SNTG1: variants seen among roughly 807,000 people sequenced by gnomAD.
SNTG1 encodes the protein gamma-1-syntrophin.
A neutral mutation model predicts 74.7 loss-of-function variants in SNTG1; 39 were observed. That is an observed-to-expected ratio of 0.52 (90% CI 0.40 to 0.68). The LOEUF (loss-of-function observed/expected upper bound fraction) is 0.68. Among genes scored for constraint, SNTG1 ranks in the 30% least tolerant of loss-of-function variants. The pLI is 0.00. For synonymous variants in SNTG1, 254 were observed against 217.1 expected (o/e 1.17, Z -1.49); for missense variants, 685 against 609.5 (o/e 1.12, Z -1.30).
At chr8:49,966,070 T>C (rs550614579) in intron 1 of SNTG1, among the ~76,000 whole-genome samples, 2 of 152,278 alleles carry the variant, frequency 1.3e-5, no homozygotes, top group East Asian at 3.9e-4. Context: ...CTCTAGAATA[T>C]ATCTGGTTTC....
In SNTG1 at chr8:50,779,177, G is replaced by A. The variant is rs1029002538; in HGVS notation, c.1396-13494G>A. Among the ~76,000 whole-genome samples, 9 of 152,110 alleles carry A rather than the reference G, an allele frequency of 5.9e-5. 1 individual carries two copies. The South Asian group carries it at 6.2e-4, about 11-fold the overall frequency. ...GTTCTTTTGGCTTAGGATGGACTTC[G>A]CAATGCGAGCTCTTTTTTGGTTCCA... On this transcript the variant is annotated intron_variant, in intron 18 of 18. Coordinates refer to ENST00000642720, the MANE Select transcript of SNTG1 (RefSeq NM_018967.5).
rs1819415507 is a variant in SNTG1, at chr8:50,049,807, C to T, written c.-102-122754C>T. On this transcript the variant is annotated intron_variant, in intron 1 of 18. Coordinates refer to ENST00000642720, the MANE Select transcript of SNTG1 (RefSeq NM_018967.5). ...ATAGAAATCAATAATAGAAAGATAG[C>T]TGGAAAACTCTAAAATGCTTACAGG... is the stretch of plus-strand genomic sequence containing the variant. Among the ~76,000 whole-genome samples, 2 of 151,892 alleles carry T rather than the reference C, an allele frequency of 1.3e-5. 1 individual carries two copies. Among genetic ancestry groups the T allele is most frequent in the Admixed American group, 1.3e-4 (2 of 15,220 alleles).
intron 13 of SNTG1, among the ~76,000 whole-genome samples, chr8:50,634,357 C>T (rs566728388): frequency 3.3e-5 from 5 of 152,280 alleles, no homozygotes; most frequent in South Asian, 4.1e-4. Flanking sequence ...GTCATGCATC[C>T]GGATGCCCTC....
intron 1 of SNTG1, among the ~76,000 whole-genome samples, chr8:50,137,138 G>A (rs182317911): frequency 5.2e-4 from 79 of 152,268 alleles, no homozygotes; most frequent in Non-Finnish European, 9.9e-4. Flanking sequence ...CTCATGTCCG[G>A]TGTTAACATA....
intron 1 of SNTG1, among the ~76,000 whole-genome samples, chr8:49,992,911 A>C (rs1813826061): frequency 1.3e-5 from 2 of 152,216 alleles, no homozygotes; most frequent in South Asian, 4.1e-4. Flanking sequence ...TTATATTTTG[A>C]TTTTGCATTT....
intron 13 of SNTG1, among the ~76,000 whole-genome samples, chr8:50,614,278 G>A (rs552167497): frequency 6.6e-6 from 1 of 152,076 alleles, no homozygotes; most frequent in African/African-American, 2.4e-5. Flanking sequence ...ATTATATTTT[G>A]AGAAAATGTG....
At chr8:50,317,783 T>A (rs1312794723) in intron 2 of SNTG1, among the ~76,000 whole-genome samples, 1 of 152,200 alleles carries the variant, frequency 6.6e-6, no homozygotes, top group Non-Finnish European at 1.5e-5. Context: ...TATTTACCTT[T>A]CAAAATGCAG....
chr8:50,096,787 G>A (rs2079944606), intron 1 of SNTG1, among the ~76,000 whole-genome samples: 1 of 152,074 alleles, frequency 6.6e-6, no homozygotes, highest in African/African-American at 2.4e-5. Context: ...ATCCACAAAA[G>A]TTATGAATGA....
At chr8:50,497,333 A>C (rs2093913538) in intron 8 of SNTG1, among the ~76,000 whole-genome samples, 1 of 151,994 alleles carries the variant, frequency 6.6e-6, no homozygotes, top group Admixed American at 6.6e-5. Context: ...TTATATACTT[A>C]TTCAAAATTG....
At chr8:50,293,688 GC>G (rs1193109202) in intron 2 of SNTG1, among the ~76,000 whole-genome samples, 1 of 152,056 alleles carries the variant, frequency 6.6e-6, no homozygotes, top group African/African-American at 2.4e-5. Flanking sequence ...GGGATTACAG[GC>G]GTGAGCCACT....
chr8:50,401,728 G>A (rs923180969), intron 3 of SNTG1, among the ~76,000 whole-genome samples: 1 of 152,030 alleles, frequency 6.6e-6, no homozygotes, highest in Non-Finnish European at 1.5e-5. Context: ...AGGGGAAATG[G>A]AGAAATAGGA....
At chr8:50,449,015 G>A (rs974648857) in intron 5 of SNTG1, among the ~76,000 whole-genome samples, 15 of 152,178 alleles carry the variant, frequency 9.9e-5, no homozygotes, top group South Asian at 2.1e-4. Flanking sequence ...GCAACAGAGC[G>A]AGTCTCCTCC....
chr8:50,601,259 T>C (rs1304667544), intron 13 of SNTG1, among the ~76,000 whole-genome samples: 5 of 151,332 alleles, frequency 3.3e-5, no homozygotes, highest in African/African-American at 1.2e-4. Flanking sequence ...TAGGCACTTA[T>C]AGCTATAAAT....
chr8:49,948,986 A>G (rs932561165), intron 1 of SNTG1, among the ~76,000 whole-genome samples: 3 of 152,160 alleles, frequency 2.0e-5, no homozygotes, highest in African/African-American at 7.2e-5. Flanking sequence ...CACGCCTTCC[A>G]CAGGAGAGGT....
At chr8:50,071,284 G>A (rs575534655) in intron 1 of SNTG1, among the ~76,000 whole-genome samples, 1 of 152,128 alleles carries the variant, frequency 6.6e-6, no homozygotes, top group African/African-American at 2.4e-5. Flanking sequence ...CTGCTGCCTT[G>A]AAAGCCTAGG....
intron 2 of SNTG1, among the ~76,000 whole-genome samples, chr8:50,278,341 C>T (rs1438310074): frequency 1.3e-5 from 2 of 152,150 alleles, no homozygotes; most frequent in Non-Finnish European, 2.9e-5. Context: ...ATCCTTGTAA[C>T]TGCAGAGATT....
intron 4 of SNTG1, among the ~76,000 whole-genome samples, chr8:50,428,771 CT>C (rs888762950): frequency 5.9e-5 from 9 of 151,960 alleles, no homozygotes; most frequent in Middle Eastern, 3.4e-3. Flanking sequence ...AGGAAAGGGC[CT>C]TTTTTTGTAA....
chr8:50,422,047 A>C (rs1159989039), intron 4 of SNTG1, among the ~76,000 whole-genome samples: 3 of 152,072 alleles, frequency 2.0e-5, no homozygotes, highest in Non-Finnish European at 4.4e-5. Flanking sequence ...TCACACACTC[A>C]ATCTCTCCTA....
At chr8:49,925,970 C>T (rs532529816) in intron 1 of SNTG1, among the ~76,000 whole-genome samples, 23 of 152,172 alleles carry the variant, frequency 1.5e-4, no homozygotes, top group Admixed American at 5.2e-4. Context: ...CTTAATAGGA[C>T]GTAATAACAA....
Sources: allele counts gnomAD v4.1 joint callset (sites outside exome capture counted in the v4.1 genomes callset), GRCh38; gene constraint gnomAD v4.1.1; transcripts MANE v1.5; gene names NCBI Gene and HGNC (gene_info 2026-07-23, HGNC 2026-07-21).